The following MYT1L variants were observed in gnomAD, a reference collection of about 807,000 sequenced individuals.
MYT1L encodes myelin transcription factor 1 like, also known as myelin transcription factor 1-like protein.
In MYT1L, 12 loss-of-function variants were observed where a neutral mutation model predicts 126.7. The ratio of observed to expected loss-of-function variants is 0.09; its 90% CI spans 0.06 to 0.15. The LOEUF (loss-of-function observed/expected upper bound fraction) is 0.15, where lower values mean the gene tolerates loss of function less well. MYT1L is among the 10% of genes least tolerant of loss of function. The probability of loss-of-function intolerance (pLI) is 1.00; values close to 1 mark genes in which losing one functional copy is unlikely to be tolerated. For missense variants in MYT1L, 979 were observed against 1,585.2 expected (o/e 0.62, Z 6.49); for synonymous variants, 541 against 604.2 (o/e 0.90, Z 1.53).
intron 8 of MYT1L, among the ~76,000 whole-genome samples, chr2:1,960,694 A>G (rs959908848): frequency 2.6e-5 from 4 of 151,754 alleles, no homozygotes; most frequent in Admixed American, 1.3e-4. Context: ...TTCTCCCACA[A>G]TGCATCACCT....
chr2:1,811,734 C>T lies in MYT1L; in HGVS notation c.3081-2567G>A, dbSNP rs1252323802. 1.3e-5 allele frequency among the ~76,000 whole-genome samples: 2 copies of T among 152,158 alleles called. No individual in the cohort carries two copies. Among genetic ancestry groups the T allele is most frequent in the Non-Finnish European group, 2.9e-5 (2 of 68,036 alleles). ...TACTCAAGCTGTCTTTAGTGTGGGG[C>T]GTGAACGAACCCCTCGCGTTCCGGA... On this transcript the variant is annotated intron_variant, in intron 21 of 24. Transcript: ENST00000647738. This position sits in a 1 kb window ranked among gnomAD's most constrained non-coding sequence, Gnocchi z 4.4.
At chr2:2,273,110 C>T (rs536255848) in intron 2 of MYT1L, among the ~76,000 whole-genome samples, 7 of 152,218 alleles carry the variant, frequency 4.6e-5, no homozygotes, top group East Asian at 1.9e-4. Context: ...ATGCCCCCAG[C>T]GGGCTGTATC....
intron 3 of MYT1L, among the ~76,000 whole-genome samples, chr2:2,118,050 G>A (rs987626323): frequency 5.3e-5 from 8 of 149,966 alleles, no homozygotes; most frequent in Non-Finnish European, 8.9e-5. Flanking sequence ...TAGTTGTCAG[G>A]GTTTTATTCT....
intron 3 of MYT1L, among the ~76,000 whole-genome samples, chr2:2,130,705 G>A (rs2082256739): frequency 6.6e-6 from 1 of 152,210 alleles, no homozygotes; most frequent in Non-Finnish European, 1.5e-5. Context: ...TACAACCACG[G>A]AATTCGCAGG....
rs557541575 is a variant in MYT1L at position 2,068,554 on chromosome 2, T to C, written c.-303-14431A>G. Among the ~76,000 whole-genome samples, 17 of 152,270 alleles carry C rather than the reference T, an allele frequency of 1.1e-4. No individual in the cohort carries two copies. In the South Asian group the frequency reaches 1.7e-3, roughly 15 times the overall value. Reference sequence around the variant, plus strand: ...CCATCATTTAAATCCTCAATAAATATAGATGTAATGTATTACTCACTTTGT... The same window carrying C: ...CCATCATTTAAATCCTCAATAAATACAGATGTAATGTATTACTCACTTTGT... On this transcript the variant is annotated intron_variant, in intron 3 of 24. Transcript: ENST00000647738.
chr2:2,241,621 T>C (rs1308028603), intron 2 of MYT1L, among the ~76,000 whole-genome samples: 1 of 152,176 alleles, frequency 6.6e-6, no homozygotes, highest in Admixed American at 6.5e-5. Flanking sequence ...TATATTTTTG[T>C]TTGTTTTTTG....
intron 4 of MYT1L, among the ~76,000 whole-genome samples, chr2:2,046,391 A>C (rs535483047): frequency 1.3e-5 from 2 of 152,338 alleles, no homozygotes; most frequent in South Asian, 2.1e-4. Context: ...TGAATATAGC[A>C]TGATTTATTT....
At chr2:2,227,170 T>C (rs2094030761) in intron 2 of MYT1L, among the ~76,000 whole-genome samples, 1 of 151,996 alleles carries the variant, frequency 6.6e-6, no homozygotes, top group Non-Finnish European at 1.5e-5. Context: ...GACCACAGAG[T>C]GTTGCAGGCC....
In MYT1L at chr2:1,889,509, G is replaced by C. The variant is rs1433125046; in HGVS notation, c.2284-32C>G. 6.5e-7 allele frequency: 1 copy of C among 1,531,852 alleles called. No homozygotes were observed. The highest frequency in any genetic ancestry group is 2.3e-5 in the East Asian group (1 of 43,984). The allele number at this position is 1,531,852 out of a possible 1,614,324, so 94.9% of individuals were successfully genotyped here. A position where few individuals can be genotyped will look rare whatever the true frequency, so the allele number is the denominator to read the frequency against. ...GTAGAAAGACATAGTGACTGTGCTT[G>C]GCCCGGCATCTTGTGACACCACGAG... On this transcript the variant is annotated intron_variant, in intron 15 of 24. Transcript: ENST00000647738. This position sits in a 1 kb window ranked among gnomAD's most constrained non-coding sequence, Gnocchi z 4.1.
intron 3 of MYT1L, among the ~76,000 whole-genome samples, chr2:2,153,165 G>A (rs2086097231): frequency 6.6e-6 from 1 of 152,146 alleles, no homozygotes; most frequent in South Asian, 2.1e-4. Flanking sequence ...CAGATGTGGT[G>A]GTGGGTGCCT....
In MYT1L at chr2:1,903,305, A is replaced by G. The variant is rs763969264; in HGVS notation, c.1818-11T>C. On this transcript the variant is annotated splice_polypyrimidine_tract_variant and intron_variant, in intron 13 of 24. Coordinates refer to ENST00000647738, the MANE Select transcript of MYT1L (RefSeq NM_001303052.2). Reference sequence around the variant, plus strand: ...ACAAAGCACATTGGCCTGGAAGTAAACAAGAAAACAAACAACAGCTTGCTT... The same window carrying G: ...ACAAAGCACATTGGCCTGGAAGTAAGCAAGAAAACAAACAACAGCTTGCTT... 4.4e-6 allele frequency: 7 copies of G among 1,603,456 alleles called. No individual in the cohort carries two copies. The South Asian group carries it at 6.7e-5, about 15-fold the overall frequency.
chr2:2,173,778 C>A (rs2090381936), intron 2 of MYT1L, among the ~76,000 whole-genome samples: 1 of 152,150 alleles, frequency 6.6e-6, no homozygotes, highest in South Asian at 2.1e-4. Flanking sequence ...CAATAACAGA[C>A]AAGTGTTAAT....
At chr2:2,110,907 G>C (rs74650290) in intron 3 of MYT1L, among the ~76,000 whole-genome samples, 8,926 of 152,256 alleles carry the variant, frequency 0.059, 293 homozygotes, top group Non-Finnish European at 0.068. Flanking sequence ...GGCCACCCCA[G>C]GGCGGGCCCT....
chr2:2,174,558 G>T (rs2090486458), intron 2 of MYT1L, among the ~76,000 whole-genome samples: 1 of 150,608 alleles, frequency 6.6e-6, no homozygotes, highest in African/African-American at 2.5e-5. Flanking sequence ...GACAGCGCAT[G>T]TGGAGACTCC....
chr2:2,063,966 T>A (rs1205660925), intron 3 of MYT1L, among the ~76,000 whole-genome samples: 1 of 152,196 alleles, frequency 6.6e-6, no homozygotes. Context: ...ATTCATGCCA[T>A]GAGATCGGAC....
rs2052947060 is a variant in MYT1L, at chr2:1,917,069, A to T, written c.1618+136T>A. The T allele has an allele frequency of 3.4e-6, 4 of 1,161,146 alleles. No individual in the cohort carries two copies. In the East Asian group the frequency reaches 9.5e-5, roughly 28 times the overall value. 71.9% of individuals were successfully genotyped at this position (1,161,146 alleles called of 1,614,324 possible). ...CCCACGAATCCTGGATCAGTTGCCC[A>T]TCAAGTTAAGTAGGGGCCTAGTTAA... On this transcript the variant is annotated intron_variant, in intron 11 of 24. Transcript: ENST00000647738. This position sits in a 1 kb window ranked among gnomAD's most constrained non-coding sequence, Gnocchi z 5.9.
chr2:1,812,703 C>T (rs2036861177), intron 21 of MYT1L, among the ~76,000 whole-genome samples: 1 of 152,018 alleles, frequency 6.6e-6, no homozygotes, highest in Admixed American at 6.6e-5. Context: ...TGGTGAAACC[C>T]TGTCTCTACT....
At chr2:1,815,393 G>A (rs1450734932) in intron 21 of MYT1L, among the ~76,000 whole-genome samples, 1 of 152,218 alleles carries the variant, frequency 6.6e-6, no homozygotes, top group Non-Finnish European at 1.5e-5. Context: ...GGGTGCATTT[G>A]CTTCTTCAGT....
At chr2:2,104,411 T>G (rs1185454195) in intron 3 of MYT1L, among the ~76,000 whole-genome samples, 1 of 152,224 alleles carries the variant, frequency 6.6e-6, no homozygotes, top group Non-Finnish European at 1.5e-5. Context: ...AAATGTTAAG[T>G]GGCAACTGAA....
Sources: allele counts gnomAD v4.1 joint callset (sites outside exome capture counted in the v4.1 genomes callset), GRCh38; gene constraint gnomAD v4.1.1; non-coding constraint Gnocchi (gnomAD v3.1); transcripts MANE v1.5; gene names NCBI Gene and HGNC (gene_info 2026-07-23, HGNC 2026-07-21).